The following SLC44A4 variants were observed in gnomAD, a reference collection of about 807,000 sequenced individuals.
SLC44A4 encodes choline transporter-like protein 4.
SLC44A4 carries 74 observed loss-of-function variants against 97.0 expected under a neutral mutation model. The ratio of observed to expected loss-of-function variants is 0.76; its 90% CI spans 0.63 to 0.93. SLC44A4 has a LOEUF of 0.93. SLC44A4 is among the 40% of genes least tolerant of loss of function. The pLI, the probability that SLC44A4 is intolerant of heterozygous loss-of-function variation, is 0.00. For synonymous variants in SLC44A4, 325 were observed against 363.8 expected (o/e 0.89, Z 1.21); for missense variants, 799 against 902.9 (o/e 0.88, Z 1.48).
Position 31,870,676 on chromosome 6 carries a change from T to A in SLC44A4, c.964A>T (p.Ile322Phe). Reference sequence around the variant, plus strand: ...AGGAAGATGAGCATCAGCAGCAGGATGGCTTCAAGCACCGCCAACACGATC... The same window carrying A: ...AGGAAGATGAGCATCAGCAGCAGGAAGGCTTCAAGCACCGCCAACACGATC... ...ALIVLAVLEA[I>F]LLLMLIFLRQ... is the part of the protein sequence containing the mutation. The change falls in exon 11 of 21, where the codon ATC (isoleucine) becomes TTC (phenylalanine). Residue 322 changes from isoleucine (I) to phenylalanine (F), a missense_variant. Coordinates refer to ENST00000229729, the MANE Select transcript of SLC44A4 (RefSeq NM_025257.3). The A allele has an allele frequency of 1.2e-6, 2 of 1,611,156 alleles. No individual in the cohort carries two copies. The highest frequency in any genetic ancestry group is 1.7e-6 in the Non-Finnish European group (2 of 1,179,172).
At position 31,865,645 on chromosome 6, in the gene SLC44A4, A is replaced by G; in HGVS notation, c.1583-44T>C. 1 of 1,611,844 alleles carries G rather than the reference A, an allele frequency of 6.2e-7. No individual in the cohort carries two copies. Among genetic ancestry groups the G allele is most frequent in the Non-Finnish European group, 8.5e-7 (1 of 1,178,918 alleles). ...CATGTTTGGTCACTGCCCCTCCCTA[A>G]TGGCCTTCCCCAGCTCCTGACTCCT... On this transcript the variant is annotated intron_variant, in intron 15 of 20. Transcript: ENST00000229729. The surrounding 1 kb of genome is among the most constrained non-coding windows in gnomAD (Gnocchi z 5.2).
Position 31,870,935 on chromosome 6 carries a change from C to T in SLC44A4, c.814G>A (p.Gly272Ser), listed in dbSNP as rs1052498524. ...ILGVLGVLAYGIYYCWEEYRV... is the reference protein window; with the variant it reads ...ILGVLGVLAYSIYYCWEEYRV... ...TACTCCTCCCAGCAGTAGTAGATGCCGTATGCCAGCACGCCCAGCACTCCC... is the reference window on the plus strand; with the variant it reads ...TACTCCTCCCAGCAGTAGTAGATGCTGTATGCCAGCACGCCCAGCACTCCC... The change falls in exon 10 of 21, where the codon GGC (glycine) becomes AGC (serine). Residue 272 changes from glycine to serine, a missense_variant. This residue lies in a region of SLC44A4 where 409 missense variants were observed against 434.1 expected (regional missense o/e 0.94). Transcript: ENST00000229729. 2.5e-6 allele frequency: 4 copies of T among 1,613,032 alleles called. No individual in the cohort carries two copies. The highest frequency in any genetic ancestry group is 2.5e-6 in the Non-Finnish European group (3 of 1,180,008).
intron 4 of SLC44A4, among the ~76,000 whole-genome samples, chr6:31,875,629 C>T (rs528382960): frequency 6.6e-5 from 10 of 152,314 alleles, no homozygotes; most frequent in Non-Finnish European, 1.5e-4. Flanking sequence ...ACACGACTCT[C>T]CACTGCCTCC....
intron 13 of SLC44A4, among the ~76,000 whole-genome samples, chr6:31,867,822 AC>A (rs1762943981): frequency 1.5e-5 from 2 of 131,836 alleles, no homozygotes; most frequent in Admixed American, 1.6e-4. Flanking sequence ...ATGTAAATAA[AC>A]CTTTTTTTTT....
intron 13 of SLC44A4, among the ~76,000 whole-genome samples, chr6:31,866,537 C>T (rs537373697): frequency 6.6e-6 from 1 of 152,240 alleles, no homozygotes; most frequent in Admixed American, 6.5e-5. Context: ...TGAGATCCAT[C>T]TCGATGCATG....
chr6:31,872,943 T>C (rs1477412408), intron 7 of SLC44A4, among the ~76,000 whole-genome samples: 1 of 152,112 alleles, frequency 6.6e-6, no homozygotes, highest in Non-Finnish European at 1.5e-5. Context: ...AGTGGCACCA[T>C]CTCGGCTCAC....
chr6:31,877,044 T>A lies in SLC44A4; in HGVS notation c.79A>T (p.Ile27Phe), dbSNP rs1054401861. The change falls in exon 2 of 21, where the codon ATC becomes TTC. Residue 27 changes from isoleucine (I) to phenylalanine (F), a missense_variant. Coordinates refer to ENST00000229729, the MANE Select transcript of SLC44A4 (RefSeq NM_025257.3). This position sits in a 1 kb window ranked among gnomAD's most constrained non-coding sequence, Gnocchi z 6.5. ...GTGCCCAGAGCTCACCTGTTCTTGATGGGGCCTCGAAAGGAGGGGTCGTAT... is the reference window on the plus strand; with the variant it reads ...GTGCCCAGAGCTCACCTGTTCTTGAAGGGGCCTCGAAAGGAGGGGTCGTAT... Reference protein sequence around the residue: ...VKYDPSFRGPIKNRSCTDVIC... With the variant: ...VKYDPSFRGPFKNRSCTDVIC... 1 of 1,609,710 alleles carries A rather than the reference T, an allele frequency of 6.2e-7. No homozygotes were observed. Among genetic ancestry groups the A allele is most frequent in the African/African-American group, 1.3e-5 (1 of 74,984 alleles).
In SLC44A4 at chr6:31,865,757, T is replaced by C. The variant is rs1392628238; in HGVS notation, c.1515A>G (p.Gly505=). The part of the protein sequence containing the change: ...LRYHTGSLAF[G]ALILTLVQIA... Reference sequence around the variant, plus strand: ...TCTGCACAAGGGTCAGGATGAGGGCTCCAAATGCCAATGACCCAGTGTGGT... The same window carrying C: ...TCTGCACAAGGGTCAGGATGAGGGCCCCAAATGCCAATGACCCAGTGTGGT... The change falls in exon 15 of 21, where the codon GGA becomes GGG. Residue 505 remains glycine, a synonymous_variant. Coordinates refer to ENST00000229729, the MANE Select transcript of SLC44A4 (RefSeq NM_025257.3). The surrounding 1 kb of genome is among the most constrained non-coding windows in gnomAD (Gnocchi z 5.2). The C allele has an allele frequency of 6.2e-7, 1 of 1,613,760 alleles. No individual in the cohort carries two copies. The highest frequency in any genetic ancestry group is 1.1e-5 in the South Asian group (1 of 91,084).
rs781777060 is a variant in SLC44A4, at chr6:31,874,963, A to T, written c.308T>A (p.Val103Asp). 11 of 1,613,650 alleles carry T rather than the reference A, an allele frequency of 6.8e-6. No individual in the cohort carries two copies. The South Asian group carries it at 1.2e-4, about 18-fold the overall frequency. ...GGGGCACTGTAGGCCGTTCTCAGCA[A>T]CTGAGATGATGTTGCTGGACAGGAT... The part of the protein sequence containing the change: ...SCILSSNIIS[V>D]AENGLQCPTP... Residue 103 changes from valine to aspartate, a missense_variant, in exon 5 of 21, where the codon GTT (valine) becomes GAT (aspartate). Coordinates refer to ENST00000229729, the MANE Select transcript of SLC44A4 (RefSeq NM_025257.3). The surrounding 1 kb of genome is among the most constrained non-coding windows in gnomAD (Gnocchi z 4.8).
chr6:31,877,320 C>T lies in SLC44A4; in HGVS notation c.41-238G>A, dbSNP rs549642087. On this transcript the variant is annotated intron_variant, in intron 1 of 20. Transcript: ENST00000229729. The surrounding 1 kb of genome is among the most constrained non-coding windows in gnomAD (Gnocchi z 6.5). Reference sequence around the variant, plus strand: ...GCTGCCATGGGGAGGGGAAGGAAGGCCTTTATAGTTTCCGGCTCACATCTC... The same window carrying T: ...GCTGCCATGGGGAGGGGAAGGAAGGTCTTTATAGTTTCCGGCTCACATCTC... Among the ~76,000 whole-genome samples, 4 of 152,214 alleles carry T rather than the reference C, an allele frequency of 2.6e-5. No homozygotes were observed. Among genetic ancestry groups the T allele is most frequent in the African/African-American group, 9.6e-5 (4 of 41,520 alleles).
In SLC44A4 at chr6:31,877,741, T is replaced by C; in HGVS notation, c.41-659A>G. ...TGACACCTGAGCCCAGCCATAGAGA[T>C]TGCAGGCACGTTGAGTTCCTGGTCC... On this transcript the variant is annotated intron_variant, in intron 1 of 20. Coordinates refer to ENST00000229729, the MANE Select transcript of SLC44A4 (RefSeq NM_025257.3). The surrounding 1 kb of genome is among the most constrained non-coding windows in gnomAD (Gnocchi z 6.5). 4 of 479,296 alleles carry C rather than the reference T, an allele frequency of 8.3e-6. No individual in the cohort carries two copies. The South Asian group carries it at 2.7e-4, about 32-fold the overall frequency. 29.7% of individuals were successfully genotyped at this position (479,296 alleles called of 1,614,324 possible). A position where few individuals can be genotyped will look rare whatever the true frequency, so the allele number is the denominator to read the frequency against.
chr6:31,866,184 C>T (rs1762863137), intron 13 of SLC44A4, 58 bp from the exon 14 acceptor site: 2 of 1,579,746 alleles, frequency 1.3e-6, no homozygotes, highest in African/African-American at 1.4e-5. Flanking sequence ...AGTATGGAGC[C>T]TGGGCGTCCC....
Position 31,874,809 on chromosome 6 carries a change from A to G in SLC44A4, c.380T>C (p.Val127Ala), listed in dbSNP as rs140047804. 158 of 1,613,396 alleles carry G rather than the reference A, an allele frequency of 9.8e-5. No individual in the cohort carries two copies. Among genetic ancestry groups the G allele is most frequent in the Non-Finnish European group, 1.2e-4 (142 of 1,179,790 alleles). Reference sequence around the variant, plus strand: ...AGTCTGTGAGAACTCGTTTTTTCCCACAGTCCATGGGTCCTCCGGGCAGGA... The same window carrying G: ...AGTCTGTGAGAACTCGTTTTTTCCCGCAGTCCATGGGTCCTCCGGGCAGGA... ...VSSCPEDPWTVGKNEFSQTVG... is the reference protein window; with the variant it reads ...VSSCPEDPWTAGKNEFSQTVG... The change falls in exon 6 of 21, where the codon GTG becomes GCG. Residue 127 changes from valine (V) to alanine (A), a missense_variant. Val to Ala is a moderately conservative substitution (Grantham distance 64). Transcript: ENST00000229729. This position sits in a 1 kb window ranked among gnomAD's most constrained non-coding sequence, Gnocchi z 4.8.
At position 31,877,587 on chromosome 6, in the gene SLC44A4, A is replaced by G; in HGVS notation, c.41-505T>C. ...CCCTCTGGTTCAAGGCTATGGGGAA[A>G]GAAACTGGAGACAAAGGTGTCAACC... On this transcript the variant is annotated intron_variant, in intron 1 of 20. Transcript: ENST00000229729. This position sits in a 1 kb window ranked among gnomAD's most constrained non-coding sequence, Gnocchi z 6.5. 1.0e-6 allele frequency: 1 copy of G among 988,630 alleles called. No homozygotes were observed. The allele number at this position is 988,630 out of a possible 1,614,324, so 61.2% of individuals were successfully genotyped here.
chr6:31,866,436 C>T (rs959976913), intron 13 of SLC44A4, among the ~76,000 whole-genome samples: 3 of 152,156 alleles, frequency 2.0e-5, no homozygotes, highest in African/African-American at 7.2e-5. Flanking sequence ...ATTGAACAGG[C>T]TGGGTATTTG....
At position 31,878,813 on chromosome 6, in the gene SLC44A4, C is replaced by T; in HGVS notation, c.40+128G>A. The T allele has an allele frequency of 8.5e-7, 1 of 1,172,644 alleles. No individual in the cohort carries two copies. The highest frequency in any genetic ancestry group is 1.3e-6 in the Non-Finnish European group (1 of 791,804). 72.6% of individuals were successfully genotyped at this position (1,172,644 alleles called of 1,614,324 possible). A position where few individuals can be genotyped will look rare whatever the true frequency, so the allele number is the denominator to read the frequency against. Reference sequence around the variant, plus strand: ...TCCCTCCCTCCATGGCTCCCGGTTCCCGGGCCCTCCCCTCAGGGACACAGT... The same window carrying T: ...TCCCTCCCTCCATGGCTCCCGGTTCTCGGGCCCTCCCCTCAGGGACACAGT... On this transcript the variant is annotated intron_variant, in intron 1 of 20. Transcript: ENST00000229729. The surrounding 1 kb of genome is among the most constrained non-coding windows in gnomAD (Gnocchi z 4.0).
Position 31,876,996 on chromosome 6 carries a change from C to A in SLC44A4, c.89+38G>T. ...ATACTGGATTCCACACTGCACCCAC[C>A]ACCCCCGCCAGCCCCCGGAGCAGTG... On this transcript the variant is annotated intron_variant, in intron 2 of 20. Coordinates refer to ENST00000229729, the MANE Select transcript of SLC44A4 (RefSeq NM_025257.3). This position sits in a 1 kb window ranked among gnomAD's most constrained non-coding sequence, Gnocchi z 4.8. 1 of 1,586,424 alleles carries A rather than the reference C, an allele frequency of 6.3e-7. No homozygotes were observed. The highest frequency in any genetic ancestry group is 1.3e-5 in the African/African-American group (1 of 74,708).
chr6:31,874,554 A>G lies in SLC44A4; in HGVS notation c.469-34T>C. Reference sequence around the variant, plus strand: ...GGAGTGAAAGGACAGACACACAGACACAGAGCAGGATGAAGAAGCAGGTCC... The same window carrying G: ...GGAGTGAAAGGACAGACACACAGACGCAGAGCAGGATGAAGAAGCAGGTCC... On this transcript the variant is annotated intron_variant, in intron 6 of 20. Coordinates refer to ENST00000229729, the MANE Select transcript of SLC44A4 (RefSeq NM_025257.3). This position sits in a 1 kb window ranked among gnomAD's most constrained non-coding sequence, Gnocchi z 4.8. 1 of 1,607,910 alleles carries G rather than the reference A, an allele frequency of 6.2e-7. No homozygotes were observed. The highest frequency in any genetic ancestry group is 8.5e-7 in the Non-Finnish European group (1 of 1,177,048).
intron 9 of SLC44A4, 119 bp from the exon 10 acceptor site, chr6:31,871,166 T>A: frequency 7.9e-7 from 1 of 1,261,266 alleles, no homozygotes; most frequent in Non-Finnish European, 1.1e-6. Context: ...CCTCTTTCCC[T>A]TATAAATCCT....
Sources: allele counts gnomAD v4.1 joint callset (sites outside exome capture counted in the v4.1 genomes callset), GRCh38; gene constraint gnomAD v4.1.1; regional missense constraint gnomAD v4.1.1; non-coding constraint Gnocchi (gnomAD v3.1); transcripts MANE v1.5; gene names NCBI Gene and HGNC (gene_info 2026-07-23, HGNC 2026-07-21).